Variants in PLA2G2D observed in about 807,000 individuals in gnomAD.
PLA2G2D encodes group IID secretory phospholipase A2.
In PLA2G2D, 17 loss-of-function variants were observed where a neutral mutation model predicts 13.9. That is an observed-to-expected ratio of 1.23 (90% CI 0.84 to 1.84). The LOEUF (loss-of-function observed/expected upper bound fraction) is 1.84, where lower values mean the gene tolerates loss of function less well. PLA2G2D is among the 40% of genes most tolerant of loss of function. PLA2G2D has a pLI of 0.00. For synonymous variants in PLA2G2D, 83 were observed against 69.3 expected, an observed-to-expected ratio of 1.20 and a Z score of -0.98; for missense variants, 194 against 178.7, an observed-to-expected ratio of 1.09 and a Z score of -0.49.
At chr1:20,116,040 G>A (rs2016983203) in intron 2 of PLA2G2D, among the ~76,000 whole-genome samples, 1 of 151,478 alleles carries the variant, frequency 6.6e-6, no homozygotes, top group Non-Finnish European at 1.5e-5. Flanking sequence ...AAGAGGTGGT[G>A]AGGGGGCTTT....
At position 20,116,390 on chromosome 1, in the gene PLA2G2D, G is replaced by T. The variant is rs1193403236; in HGVS notation, c.128C>A (p.Pro43His). The T allele has an allele frequency of 9.9e-6, 16 of 1,614,146 alleles. No individual in the cohort carries two copies. The highest frequency in any genetic ancestry group is 1.3e-5 in the Non-Finnish European group (15 of 1,179,984). ...TGKMPILSYW[P>H]YGCHCGLGGR... Reference sequence around the variant, plus strand: ...ACCTAGTCCGCAGTGACAGCCGTAGGGCCAGTAGGAGAGGATGGGCATTTT... The same window carrying T: ...ACCTAGTCCGCAGTGACAGCCGTAGTGCCAGTAGGAGAGGATGGGCATTTT... Residue 43 changes from proline (P) to histidine (H), a missense_variant, in exon 2 of 4, where the codon CCC becomes CAC. By Grantham distance (77) the Pro-to-His change is moderately conservative. Transcript: ENST00000375105.
At chr1:20,116,565 C>T (rs1440079283) in intron 1 of PLA2G2D, 88 bp from the exon 2 acceptor site, 15 of 1,206,076 alleles carry the variant, frequency 1.2e-5, no homozygotes, top group Middle Eastern at 4.0e-4. Context: ...CTGCTCTGCC[C>T]AGACCAAATG....
At chr1:20,118,403 G>A (rs2017029508) in intron 1 of PLA2G2D, among the ~76,000 whole-genome samples, 1 of 152,188 alleles carries the variant, frequency 6.6e-6, no homozygotes, top group South Asian at 2.1e-4. Context: ...CTGGAGCTGT[G>A]GCTGGGGAGG....
Position 20,114,019 on chromosome 1 carries a change from C to T in PLA2G2D, c.*95G>A. 2 of 1,190,646 alleles carry T rather than the reference C, an allele frequency of 1.7e-6. No homozygotes were observed. The highest frequency in any genetic ancestry group is 1.4e-5 in the South Asian group (1 of 69,258). The allele number at this position is 1,190,646 out of a possible 1,614,324, so 73.8% of individuals were successfully genotyped here. A position where few individuals can be genotyped will look rare whatever the true frequency, so the allele number is the denominator to read the frequency against. On this transcript the variant is annotated 3_prime_UTR_variant, in exon 4 of 4. Transcript: ENST00000375105. ...CGGGGGAGGCTGGGACTACCTCCCC[C>T]CGGAGTGTTTGAAAAGCCAGGCTGG...
In PLA2G2D at chr1:20,113,576, G is replaced by C. The variant is rs1254609304; in HGVS notation, c.*538C>G. 1 of 152,380 alleles carries C rather than the reference G, an allele frequency of 6.6e-6. No individual in the cohort carries two copies. The highest frequency in any genetic ancestry group is 1.5e-5 in the Non-Finnish European group (1 of 68,282). 9.4% of individuals were successfully genotyped at this position (152,380 alleles called of 1,614,324 possible). A position where few individuals can be genotyped will look rare whatever the true frequency, so the allele number is the denominator to read the frequency against. On this transcript the variant is annotated 3_prime_UTR_variant, in exon 4 of 4. Coordinates refer to ENST00000375105, the MANE Select transcript of PLA2G2D (RefSeq NM_012400.4). ...AGGGATGCAACTGAGTTTAAGACAG[G>C]CATGGCCTCCACCTGCAGGGACTTC...
rs777920516 is a variant in PLA2G2D, at chr1:20,119,460, A to G, written c.39T>C (p.Ala13=). ...GCCTGGGTCCCGTCCCCGACTCACC[A>G]GCCATCACCACCAGCCCACACAGCA... ...LALLCGLVVM[A]GVIPIQGGIL... Residue 13 remains alanine (A), a splice_region_variant and synonymous_variant, in exon 1 of 4, where the codon GCT becomes GCC. Coordinates refer to ENST00000375105, the MANE Select transcript of PLA2G2D (RefSeq NM_012400.4). 1 of 1,613,584 alleles carries G rather than the reference A, an allele frequency of 6.2e-7. No individual in the cohort carries two copies. The highest frequency in any genetic ancestry group is 8.5e-7 in the Non-Finnish European group (1 of 1,179,622).
chr1:20,118,217 C>T (rs2100676567), intron 1 of PLA2G2D, among the ~76,000 whole-genome samples: 1 of 152,128 alleles, frequency 6.6e-6, no homozygotes, highest in South Asian at 2.1e-4. Flanking sequence ...CTTTTTTTTG[C>T]CCTAAATATA....
Position 20,113,901 on chromosome 1 carries a change from A to T in PLA2G2D, c.*213T>A. 2.1e-6 allele frequency: 1 copy of T among 479,904 alleles called. No homozygotes were observed. Among genetic ancestry groups the T allele is most frequent in the Non-Finnish European group, 3.8e-6 (1 of 266,294 alleles). The allele number at this position is 479,904 out of a possible 1,614,324, so 29.7% of individuals were successfully genotyped here. On this transcript the variant is annotated 3_prime_UTR_variant, in exon 4 of 4. Coordinates refer to ENST00000375105, the MANE Select transcript of PLA2G2D (RefSeq NM_012400.4). ...GGCTCCCTTGCTTGGGCTTCTCCCA[A>T]GATTCCCATCCACCCTCAGAGGACA...
In PLA2G2D at chr1:20,113,522, T is replaced by TAAA. The variant is rs2016926548; in HGVS notation, c.*591_*592insTTT. The TAAA allele has an allele frequency of 6.6e-6, 1 of 152,076 alleles. No individual in the cohort carries two copies. The highest frequency in any genetic ancestry group is 1.5e-5 in the Non-Finnish European group (1 of 68,058). The allele number at this position is 152,076 out of a possible 1,614,324, so 9.4% of individuals were successfully genotyped here. A position where few individuals can be genotyped will look rare whatever the true frequency, so the allele number is the denominator to read the frequency against. On this transcript the variant is annotated 3_prime_UTR_variant, in exon 4 of 4. Transcript: ENST00000375105. ...ACCCAAGAAGGATTTATGGAGCTCC[T>TAAA]TCTTGGTTCTGGTGTTGCTTTGGGC...
Position 20,113,502 on chromosome 1 carries a change from A to G in PLA2G2D, c.*612T>C, listed in dbSNP as rs1293914975. ...GGCGGCTTTGTCTAGGCTTCACCCA[A>G]GAAGGATTTATGGAGCTCCTTCTTG... is the stretch of plus-strand genomic sequence containing the variant. On this transcript the variant is annotated 3_prime_UTR_variant, in exon 4 of 4. Transcript: ENST00000375105. The G allele has an allele frequency of 6.6e-6, 1 of 152,206 alleles. No individual in the cohort carries two copies. The highest frequency in any genetic ancestry group is 6.5e-5 in the Admixed American group (1 of 15,284). 9.4% of individuals were successfully genotyped at this position (152,206 alleles called of 1,614,324 possible).
chr1:20,117,723 G>A (rs1557768321), intron 1 of PLA2G2D, among the ~76,000 whole-genome samples: 1 of 152,136 alleles, frequency 6.6e-6, no homozygotes, highest in Non-Finnish European at 1.5e-5. Context: ...GAGTCTCAGG[G>A]AGACTGGGCT....
Position 20,113,990 on chromosome 1 carries a change from G to A in PLA2G2D, c.*124C>T. 1 of 807,222 alleles carries A rather than the reference G, an allele frequency of 1.2e-6. No individual in the cohort carries two copies. The highest frequency in any genetic ancestry group is 2.0e-6 in the Non-Finnish European group (1 of 504,694). The allele number at this position is 807,222 out of a possible 1,614,324, so 50.0% of individuals were successfully genotyped here. On this transcript the variant is annotated 3_prime_UTR_variant, in exon 4 of 4. Coordinates refer to ENST00000375105, the MANE Select transcript of PLA2G2D (RefSeq NM_012400.4). ...GAAGGTCAGAAGGCATTGGTAGAGGGTTCCGGGGGAGGCTGGGACTACCTC... is the reference window on the plus strand; with the variant it reads ...GAAGGTCAGAAGGCATTGGTAGAGGATTCCGGGGGAGGCTGGGACTACCTC...
In PLA2G2D at chr1:20,112,204, T is replaced by G. The variant is rs948577385; in HGVS notation, c.*1910A>C. The G allele has an allele frequency of 1.4e-4, 21 of 152,104 alleles. No homozygotes were observed. Among genetic ancestry groups the G allele is most frequent in the Non-Finnish European group, 2.9e-4 (20 of 68,054 alleles). 9.4% of individuals were successfully genotyped at this position (152,104 alleles called of 1,614,324 possible). A position where few individuals can be genotyped will look rare whatever the true frequency, so the allele number is the denominator to read the frequency against. Reference sequence around the variant, plus strand: ...CTGGTCTTGAACTCCTGACCCCAGGTGATCTGCCTGCCTCAGCCACCCTAA... The same window carrying G: ...CTGGTCTTGAACTCCTGACCCCAGGGGATCTGCCTGCCTCAGCCACCCTAA... On this transcript the variant is annotated 3_prime_UTR_variant, in exon 4 of 4. Coordinates refer to ENST00000375105, the MANE Select transcript of PLA2G2D (RefSeq NM_012400.4).
chr1:20,116,438 T>C lies in PLA2G2D; in HGVS notation c.80A>G (p.Lys27Arg). ...PIQGGILNLN[K>R]MVKQVTGKMP... ...TTTCCCAGTCACTTGCTTGACCATC[T>C]TGTTCAGGTTCAGGATCCCGCCCTG... Residue 27 changes from lysine to arginine, a missense_variant, in exon 2 of 4, where the codon AAG becomes AGG. By Grantham distance (26) the Lys-to-Arg change is conservative. Coordinates refer to ENST00000375105, the MANE Select transcript of PLA2G2D (RefSeq NM_012400.4). 6.2e-7 allele frequency: 1 copy of C among 1,614,156 alleles called. No homozygotes were observed. The highest frequency in any genetic ancestry group is 1.1e-5 in the South Asian group (1 of 91,082).
Position 20,112,719 on chromosome 1 carries a change from T to C in PLA2G2D, c.*1395A>G, listed in dbSNP as rs2016909922. ...CTGTGAGGGAACCAGGAAAACTGGATAGGCCAAGGGGTCAGACCAAGCAGA... is the reference window on the plus strand; with the variant it reads ...CTGTGAGGGAACCAGGAAAACTGGACAGGCCAAGGGGTCAGACCAAGCAGA... On this transcript the variant is annotated 3_prime_UTR_variant, in exon 4 of 4. Transcript: ENST00000375105. The C allele has an allele frequency of 1.3e-5, 2 of 152,158 alleles. No homozygotes were observed. The highest frequency in any genetic ancestry group is 2.9e-5 in the Non-Finnish European group (2 of 68,046). 9.4% of individuals were successfully genotyped at this position (152,158 alleles called of 1,614,324 possible).
intron 1 of PLA2G2D, among the ~76,000 whole-genome samples, chr1:20,117,009 G>A (rs1309897302): frequency 1.3e-5 from 2 of 151,938 alleles, no homozygotes; most frequent in African/African-American, 4.8e-5. Flanking sequence ...GTCTTCTTTT[G>A]TATTGATTTC....
chr1:20,118,685 G>T (rs904342504), intron 1 of PLA2G2D, among the ~76,000 whole-genome samples: 2 of 152,194 alleles, frequency 1.3e-5, no homozygotes, highest in African/African-American at 4.8e-5. Flanking sequence ...TGAAAGGTTT[G>T]GTGATTTGGC....
chr1:20,114,341 G>T, intron 3 of PLA2G2D, 82 bp from the exon 4 acceptor site: 2 of 1,421,584 alleles, frequency 1.4e-6, no homozygotes. Flanking sequence ...TCTGAAGTCA[G>T]TGCAGTTCCT....
At chr1:20,116,570 C>A in intron 1 of PLA2G2D, 93 bp from the exon 2 acceptor site, 1 of 1,091,620 alleles carries the variant, frequency 9.2e-7, no homozygotes, top group Non-Finnish European at 1.4e-6. Context: ...CTGCCCAGAC[C>A]AAATGAGTGA....
Sources: allele counts gnomAD v4.1 joint callset (sites outside exome capture counted in the v4.1 genomes callset), GRCh38; gene constraint gnomAD v4.1.1; transcripts MANE v1.5; gene names NCBI Gene and HGNC (gene_info 2026-07-23, HGNC 2026-07-21).